EDARADD: variants seen among roughly 807,000 people sequenced by gnomAD.
EDARADD encodes the protein ectodysplasin-A receptor-associated adapter protein.
EDARADD carries 20 observed loss-of-function variants against 25.6 expected under a neutral mutation model. The observed-to-expected ratio is 0.78, with a 90% CI of 0.55 to 1.14. The LOEUF (loss-of-function observed/expected upper bound fraction) is 1.14. EDARADD is among the 50% of genes most tolerant of loss of function. The probability of loss-of-function intolerance (pLI) is 0.00; values close to 1 mark genes in which losing one functional copy is unlikely to be tolerated. For missense variants in EDARADD, 225 were observed against 270.1 expected (o/e 0.83, Z 1.17); for synonymous variants, 86 against 94.4 (o/e 0.91, Z 0.52).
At chr1:236,424,757 A>G (rs1284411809) in intron 3 of EDARADD, among the ~76,000 whole-genome samples, 1 of 152,168 alleles carries the variant, frequency 6.6e-6, no homozygotes, top group African/African-American at 2.4e-5. Flanking sequence ...CTTTGCTGCA[A>G]CAGGGGCATA....
chr1:236,466,565 T>G (rs1443386426), intron 4 of EDARADD, among the ~76,000 whole-genome samples: 1 of 152,134 alleles, frequency 6.6e-6, no homozygotes, highest in Admixed American at 6.5e-5. Flanking sequence ...GGTTTTTAGT[T>G]CCAGTAAAGA....
chr1:236,410,496 G>A (rs1224596737), intron 2 of EDARADD, among the ~76,000 whole-genome samples: 1 of 152,054 alleles, frequency 6.6e-6, no homozygotes, highest in Non-Finnish European at 1.5e-5. Context: ...CCTTGAGATG[G>A]TGGGGCACGT....
intron 4 of EDARADD, among the ~76,000 whole-genome samples, chr1:236,448,172 C>G (rs908956659): frequency 6.6e-6 from 1 of 152,212 alleles, no homozygotes; most frequent in African/African-American, 2.4e-5. Context: ...GTGCCTGGGC[C>G]CCTGCCCCAG....
intron 5 of EDARADD, among the ~76,000 whole-genome samples, chr1:236,480,434 A>G (rs1659640254): frequency 6.6e-6 from 1 of 152,148 alleles, no homozygotes; most frequent in Non-Finnish European, 1.5e-5. Context: ...CAGAAGTCAC[A>G]TTAGTAGGTC....
At chr1:236,446,532 A>G (rs1658542224) in intron 4 of EDARADD, among the ~76,000 whole-genome samples, 1 of 145,572 alleles carries the variant, frequency 6.9e-6, no homozygotes, top group Non-Finnish European at 1.5e-5. Context: ...AGCCTGGGTG[A>G]CAGAGCAACA....
chr1:236,419,057 G>T (rs1558117763), intron 3 of EDARADD, among the ~76,000 whole-genome samples: 1 of 152,158 alleles, frequency 6.6e-6, no homozygotes, highest in Non-Finnish European at 1.5e-5. Context: ...AGAGGATAGA[G>T]GGGACGGAGA....
chr1:236,405,858 C>T (rs1486925825), intron 1 of EDARADD, among the ~76,000 whole-genome samples: 4 of 46,656 alleles, frequency 8.6e-5, no homozygotes, highest in African/African-American at 2.8e-4. Context: ...TCCTTCCTTC[C>T]TTCCTTCCTT....
In EDARADD at chr1:236,478,994, C is replaced by T. The variant is rs940812491; in HGVS notation, c.266-3273C>T. Among the ~76,000 whole-genome samples the T allele has an allele frequency of 2.0e-5, 3 of 151,892 alleles. 1 individual carries two copies. The highest frequency in any genetic ancestry group is 4.1e-4 in the South Asian group (2 of 4,820). On this transcript the variant is annotated intron_variant, in intron 5 of 5. Transcript: ENST00000334232. Reference sequence around the variant, plus strand: ...AGGACGCAAAGGCATAAGAATGATACGATAGACTTTGGGGACTCAGGGAAA... The same window carrying T: ...AGGACGCAAAGGCATAAGAATGATATGATAGACTTTGGGGACTCAGGGAAA...
chr1:236,404,391 A>G (rs1045935800), intron 1 of EDARADD, among the ~76,000 whole-genome samples: 3 of 152,176 alleles, frequency 2.0e-5, no homozygotes, highest in African/African-American at 7.2e-5. Flanking sequence ...ACCTGTGAGA[A>G]CAAAAGGAGT....
At chr1:236,376,293 T>C (rs891495177) in intron 3 of EDARADD, among the ~76,000 whole-genome samples, 6 of 152,352 alleles carry the variant, frequency 3.9e-5, no homozygotes, top group African/African-American at 9.6e-5. Flanking sequence ...TTCTGACCTA[T>C]GTCATTTTCT....
chr1:236,385,396 G>A (rs1333109777), intron 3 of EDARADD, among the ~76,000 whole-genome samples: 3 of 103,950 alleles, frequency 2.9e-5, no homozygotes, highest in African/African-American at 3.9e-5. Context: ...GCGACAGAGC[G>A]AGACTCCATC....
At chr1:236,470,166 C>G (rs112858663) in intron 5 of EDARADD, among the ~76,000 whole-genome samples, 261 of 152,298 alleles carry the variant, frequency 1.7e-3, no homozygotes, top group African/African-American at 5.8e-3. Flanking sequence ...AGAACTGCCC[C>G]TCCGCATTTA....
At chr1:236,470,299 CA>C (rs1209954050) in intron 5 of EDARADD, among the ~76,000 whole-genome samples, 1 of 152,120 alleles carries the variant, frequency 6.6e-6, no homozygotes, top group Non-Finnish European at 1.5e-5. Flanking sequence ...GTAATGGGAG[CA>C]TTAATTTTTT....
At position 236,482,299 on chromosome 1, in the gene EDARADD, T is replaced by G; in HGVS notation, c.298T>G (p.Cys100Gly). The G allele has an allele frequency of 1.2e-6, 2 of 1,614,098 alleles. No homozygotes were observed. The highest frequency in any genetic ancestry group is 1.7e-5 in the Admixed American group (1 of 59,998). ...ISKDNSCKEN[C>G]TCSSCLLRAP... is the part of the protein sequence containing the mutation. ...CAAGGACAACTCCTGCAAAGAAAACTGTACTTGTTCCTCCTGCTTGCTCCG... is the reference window on the plus strand; with the variant it reads ...CAAGGACAACTCCTGCAAAGAAAACGGTACTTGTTCCTCCTGCTTGCTCCG... The change falls in exon 6 of 6, where the codon TGT becomes GGT. Residue 100 changes from cysteine to glycine, a missense_variant. Physicochemically the swap from Cys to Gly is radical, Grantham distance 159. Transcript: ENST00000334232.
Position 236,484,456 on chromosome 1 carries a change from C to T in EDARADD, c.*1807C>T. 1 of 1,608,884 alleles carries T rather than the reference C, an allele frequency of 6.2e-7. No individual in the cohort carries two copies. The highest frequency in any genetic ancestry group is 1.1e-5 in the South Asian group (1 of 90,954). Reference sequence around the variant, plus strand: ...TTTGCCGGCAGGAACTTCAGAAACCCCCCAGCCAAGTAAGCTGTGGGCAGG... The same window carrying T: ...TTTGCCGGCAGGAACTTCAGAAACCTCCCAGCCAAGTAAGCTGTGGGCAGG... On this transcript the variant is annotated 3_prime_UTR_variant, in exon 6 of 6. Coordinates refer to ENST00000334232, the MANE Select transcript of EDARADD (RefSeq NM_145861.4). The surrounding 1 kb of genome is among the most constrained non-coding windows in gnomAD (Gnocchi z 4.1).
intron 3 of EDARADD, among the ~76,000 whole-genome samples, chr1:236,355,873 C>T (rs763449642): frequency 2.6e-5 from 4 of 152,026 alleles, no homozygotes; most frequent in Non-Finnish European, 4.4e-5. Flanking sequence ...AACCCATGAC[C>T]GGTTCTAAGG....
At position 236,483,588 on chromosome 1, in the gene EDARADD, A is replaced by G. The variant is rs878995472; in HGVS notation, c.*939A>G. The G allele has an allele frequency of 2.8e-5, 41 of 1,469,276 alleles. No individual in the cohort carries two copies. Among genetic ancestry groups the G allele is most frequent in the Admixed American group, 6.7e-5 (4 of 59,532 alleles). 91.0% of individuals were successfully genotyped at this position (1,469,276 alleles called of 1,614,324 possible). A position where few individuals can be genotyped will look rare whatever the true frequency, so the allele number is the denominator to read the frequency against. On this transcript the variant is annotated 3_prime_UTR_variant, in exon 6 of 6. Transcript: ENST00000334232. ...CATCGCCGACTTGTCTGGCAACTCC[A>G]AAGTCATCTTGCCAGTCCCGGTGTT...
intron 3 of EDARADD, among the ~76,000 whole-genome samples, chr1:236,426,415 G>A (rs554586858): frequency 1.8e-4 from 28 of 152,316 alleles, no homozygotes; most frequent in African/African-American, 5.8e-4. Flanking sequence ...CCCAGGGGAG[G>A]AGGACACTGC....
At chr1:236,441,405 A>G (rs991811833) in intron 4 of EDARADD, among the ~76,000 whole-genome samples, 1 of 145,400 alleles carries the variant, frequency 6.9e-6, no homozygotes, top group African/African-American at 2.5e-5. Flanking sequence ...TATGAGATAT[A>G]TATAGAAGAA....
Sources: allele counts gnomAD v4.1 joint callset (sites outside exome capture counted in the v4.1 genomes callset), GRCh38; gene constraint gnomAD v4.1.1; non-coding constraint Gnocchi (gnomAD v3.1); transcripts MANE v1.5; gene names NCBI Gene and HGNC (gene_info 2026-07-23, HGNC 2026-07-21).